Variants in RPF1 observed in about 807,000 individuals in gnomAD.
RPF1 encodes ribosome production factor 1 homolog.
Under a neutral mutation model 41.9 loss-of-function variants are expected in RPF1, and 34 were observed. The ratio of observed to expected loss-of-function variants is 0.81; its 90% CI spans 0.62 to 1.08. RPF1 has a LOEUF of 1.08. Among genes scored for constraint, RPF1 ranks in the 50% least tolerant of loss-of-function variants. The pLI is 0.00. For synonymous variants in RPF1, 140 were observed against 148.9 expected (o/e 0.94, Z 0.43); for missense variants, 425 against 435.2 (o/e 0.98, Z 0.21).
At chr1:84,496,510 T>A in intron 8 of RPF1, 140 bp downstream of exon 8, 1 of 601,128 alleles carries the variant, frequency 1.7e-6, no homozygotes, top group Non-Finnish European at 2.8e-6. Flanking sequence ...AGCAAACCAC[T>A]ATAGCACGTT....
intron 5 of RPF1, among the ~76,000 whole-genome samples, chr1:84,491,586 C>G (rs1371166553): frequency 6.6e-6 from 1 of 152,186 alleles, no homozygotes; most frequent in Non-Finnish European, 1.5e-5. Context: ...ACCAAAATAT[C>G]TAAAATCTCT....
chr1:84,492,808 A>C (rs1225910147), intron 5 of RPF1, among the ~76,000 whole-genome samples: 1 of 152,208 alleles, frequency 6.6e-6, no homozygotes, highest in Non-Finnish European at 1.5e-5. Context: ...TCTAAATGCC[A>C]GTAACACCTC....
intron 7 of RPF1, 48 bp downstream of exon 7, chr1:84,496,111 T>C: frequency 6.7e-7 from 1 of 1,494,064 alleles, no homozygotes; most frequent in Non-Finnish European, 9.1e-7. Context: ...ATGAAATATA[T>C]TTTCAACATG....
chr1:84,496,127 A>G, intron 7 of RPF1, 64 bp downstream of exon 7: 11 of 1,478,452 alleles, frequency 7.4e-6, no homozygotes, highest in Non-Finnish European at 8.3e-6. Context: ...ACATGAACTA[A>G]TTTTCCAACA....
intron 8 of RPF1, among the ~76,000 whole-genome samples, chr1:84,496,996 C>T (rs1334366811): frequency 2.0e-5 from 3 of 151,858 alleles, no homozygotes; most frequent in Admixed American, 6.6e-5. Flanking sequence ...CTCAGCCTCC[C>T]GAGTAGCTGG....
In RPF1 at chr1:84,480,880, AT is replaced by A. The variant is rs1681633662; in HGVS notation, c.229-73del. The A allele has an allele frequency of 5.1e-6, 4 of 784,850 alleles. No individual in the cohort carries two copies. The South Asian group carries it at 6.2e-5, about 12-fold the overall frequency. The allele number at this position is 784,850 out of a possible 1,614,324, so 48.6% of individuals were successfully genotyped here. On this transcript the variant is annotated intron_variant, in intron 1 of 8. Coordinates refer to ENST00000370654, the MANE Select transcript of RPF1 (RefSeq NM_025065.7). ...AGTTCGAGTATTCATAGCATTAGTA[AT>A]TTGTAGTTTCAGTATGTGTTTGTGA...
intron 8 of RPF1, among the ~76,000 whole-genome samples, chr1:84,497,131 A>G (rs1342889853): frequency 6.6e-6 from 1 of 150,978 alleles, no homozygotes; most frequent in Non-Finnish European, 1.5e-5. Context: ...CAGCCTCCCA[A>G]AGTGCTGGGA....
chr1:84,483,108 C>A, intron 3 of RPF1, 113 bp downstream of exon 3: 1 of 609,192 alleles, frequency 1.6e-6, no homozygotes, highest in South Asian at 2.4e-5. Context: ...TGGACTGATT[C>A]AGCTAAAATG....
chr1:84,480,862 G>C, intron 1 of RPF1, 94 bp from the exon 2 acceptor site: 1 of 688,400 alleles, frequency 1.5e-6, no homozygotes, highest in Non-Finnish European at 2.6e-6. Flanking sequence ...CCCAGTTCGA[G>C]TATTCATAGC....
intron 3 of RPF1, among the ~76,000 whole-genome samples, chr1:84,485,764 GAGATAACTTGA>G (rs1450862538): frequency 2.0e-5 from 3 of 152,102 alleles, no homozygotes; most frequent in African/African-American, 7.2e-5. Flanking sequence ...ATTTGGGGAG[GAGATAACTTGA>G]ATGTTACTCC....
intron 5 of RPF1, among the ~76,000 whole-genome samples, chr1:84,493,005 CCT>C (rs1449745650): frequency 2.0e-5 from 3 of 152,120 alleles, no homozygotes; most frequent in Non-Finnish European, 2.9e-5. Context: ...CATGATGACT[CCT>C]GTTTTATGTG....
Position 84,481,007 on chromosome 1 carries a change from G to A in RPF1, c.280G>A (p.Asp94Asn), listed in dbSNP as rs532703885. Residue 94 changes from aspartate to asparagine, a missense_variant, in exon 2 of 9, where the codon GAT (aspartate) becomes AAT (asparagine). Coordinates refer to ENST00000370654, the MANE Select transcript of RPF1 (RefSeq NM_025065.7). The stretch of plus-strand genomic sequence containing the variant: ...TAAAAAAGAAAGAGAGGCTCTTGGC[G>A]ATAAGGTAAATAAAATTTTTAGCTG... The part of the protein sequence containing the change: ...KLKKEREALG[D>N]KAPPKPVPKT... The A allele has an allele frequency of 7.0e-6, 11 of 1,581,406 alleles. No homozygotes were observed. The highest frequency in any genetic ancestry group is 1.1e-5 in the South Asian group (1 of 87,784).
Position 84,497,480 on chromosome 1 carries a change from A to C in RPF1, c.*10A>C. 6.2e-7 allele frequency: 1 copy of C among 1,602,152 alleles called. No homozygotes were observed. Among genetic ancestry groups the C allele is most frequent in the South Asian group, 1.1e-5 (1 of 90,010 alleles). On this transcript the variant is annotated 3_prime_UTR_variant, in exon 9 of 9. Transcript: ENST00000370654. ...AAAATTCCATTTATAAAGTACTGAG[A>C]GAATGATATTGGATTTTGCTGAACA... is the stretch of plus-strand genomic sequence containing the variant.
rs1681595495 is a variant in RPF1, at chr1:84,479,321, A to G, written c.40A>G (p.Lys14Glu). ...AGDKSSSSGKKSLKRKAAAEE... is the reference protein window; with the variant it reads ...AGDKSSSSGKESLKRKAAAEE... ...GGATAAGAGCAGCAGCAGCGGGAAG[A>G]AAAGTCTAAAACGGAAAGCCGCTGC... is the stretch of plus-strand genomic sequence containing the variant. Residue 14 changes from lysine (K) to glutamate (E), a missense_variant, in exon 1 of 9, where the codon AAA (lysine) becomes GAA (glutamate). Physicochemically the swap from Lys to Glu is moderately conservative, Grantham distance 56 (BLOSUM62 1). Transcript: ENST00000370654. The G allele has an allele frequency of 1.2e-6, 2 of 1,610,016 alleles. No homozygotes were observed. The highest frequency in any genetic ancestry group is 1.7e-6 in the Non-Finnish European group (2 of 1,177,914).
In RPF1 at chr1:84,495,967, T is replaced by G; in HGVS notation, c.785T>G (p.Met262Arg). The part of the protein sequence containing the change: ...TTRLGHSIGR[M>R]FASLFPHNPQ... Reference sequence around the variant, plus strand: ...CGGCTGGGTCATTCAATTGGACGTATGTTTGCATCTCTCTTTCCTCATAAT... The same window carrying G: ...CGGCTGGGTCATTCAATTGGACGTAGGTTTGCATCTCTCTTTCCTCATAAT... Residue 262 changes from methionine (M) to arginine (R), a missense_variant, in exon 7 of 9, where the codon ATG becomes AGG. Transcript: ENST00000370654. 8.7e-6 allele frequency: 14 copies of G among 1,609,594 alleles called. No homozygotes were observed. Among genetic ancestry groups the G allele is most frequent in the Non-Finnish European group, 1.2e-5 (14 of 1,175,860 alleles).
chr1:84,491,648 C>T (rs1335660361), intron 5 of RPF1, among the ~76,000 whole-genome samples: 1 of 152,160 alleles, frequency 6.6e-6, no homozygotes, highest in African/African-American at 2.4e-5. Flanking sequence ...GTTGCTGCCT[C>T]TTTTTCTTTT....
At chr1:84,487,301 C>G (rs1681753711) in intron 3 of RPF1, among the ~76,000 whole-genome samples, 1 of 152,178 alleles carries the variant, frequency 6.6e-6, no homozygotes, top group Non-Finnish European at 1.5e-5. Flanking sequence ...CACATTCTAA[C>G]CAACTCATGG....
At chr1:84,491,004 G>A (rs1345271570) in intron 5 of RPF1, among the ~76,000 whole-genome samples, 1 of 152,136 alleles carries the variant, frequency 6.6e-6, no homozygotes. Flanking sequence ...ATCTGCATAT[G>A]GTTTGTTGTG....
rs76894977 is a variant in RPF1, at chr1:84,483,873, G to T, written c.366+878G>T. ...CTGGTATAGTCATACACTGATTTCT[G>T]TCATTCTTTCAGCAAATGTTTATGG... is the stretch of plus-strand genomic sequence containing the variant. On this transcript the variant is annotated intron_variant, in intron 3 of 8. Coordinates refer to ENST00000370654, the MANE Select transcript of RPF1 (RefSeq NM_025065.7). Among the ~76,000 whole-genome samples, 43 of 152,222 alleles carry T rather than the reference G, an allele frequency of 2.8e-4. No homozygotes were observed. In the East Asian group the frequency reaches 7.3e-3, roughly 26 times the overall value.
Sources: allele counts gnomAD v4.1 joint callset (sites outside exome capture counted in the v4.1 genomes callset), GRCh38; gene constraint gnomAD v4.1.1; transcripts MANE v1.5; gene names NCBI Gene and HGNC (gene_info 2026-07-23, HGNC 2026-07-21).